CNTNAP2: variants seen among roughly 807,000 people sequenced by gnomAD.
CNTNAP2 encodes contactin associated protein 2.
A neutral mutation model predicts 155.2 loss-of-function variants in CNTNAP2; 98 were observed. That is an observed-to-expected ratio of 0.63 (90% CI 0.54 to 0.75). CNTNAP2 has a LOEUF of 0.75. Ranked by LOEUF, CNTNAP2 falls within the 30% of genes least tolerant of loss-of-function variation. CNTNAP2 has a pLI of 0.00. For synonymous variants in CNTNAP2, 651 were observed against 631.2 expected (o/e 1.03, Z -0.47); for missense variants, 1,727 against 1,688.1 (o/e 1.02, Z -0.40).
At chr7:147,319,753 G>GA (rs1795311446) in intron 9 of CNTNAP2, among the ~76,000 whole-genome samples, 1 of 152,130 alleles carries the variant, frequency 6.6e-6, no homozygotes, top group South Asian at 2.1e-4. Context: ...AAGATAGAGG[G>GA]AAAAAATCCA....
intron 1 of CNTNAP2, among the ~76,000 whole-genome samples, chr7:146,381,843 G>A (rs973332936): frequency 6.6e-6 from 1 of 152,102 alleles, no homozygotes; most frequent in East Asian, 1.9e-4. Flanking sequence ...CTGCTGGTCC[G>A]CTGGGCTTGA....
At chr7:146,919,541 C>T (rs1796457499) in intron 3 of CNTNAP2, among the ~76,000 whole-genome samples, 1 of 152,172 alleles carries the variant, frequency 6.6e-6, no homozygotes, top group Non-Finnish European at 1.5e-5. Context: ...TGTGATCCAT[C>T]TTCGGGTCTT....
chr7:147,943,442 A>G (rs978306389), intron 14 of CNTNAP2, among the ~76,000 whole-genome samples: 2 of 152,078 alleles, frequency 1.3e-5, no homozygotes, highest in Non-Finnish European at 2.9e-5. Context: ...TATTTAAAGC[A>G]TATTAATCTC....
chr7:146,578,199 A>G (rs1171120260), intron 1 of CNTNAP2, among the ~76,000 whole-genome samples: 1 of 152,132 alleles, frequency 6.6e-6, no homozygotes, highest in Admixed American at 6.6e-5. Context: ...CAGAAAGTAA[A>G]CCCAACAACG....
intron 1 of CNTNAP2, among the ~76,000 whole-genome samples, chr7:146,584,903 T>TA (rs1798664156): frequency 6.6e-6 from 1 of 152,130 alleles, no homozygotes; most frequent in African/African-American, 2.4e-5. Flanking sequence ...TCAAAAATAT[T>TA]AGAGTTAAAT....
intron 18 of CNTNAP2, among the ~76,000 whole-genome samples, chr7:148,186,450 C>G (rs1184449138): frequency 6.6e-6 from 1 of 152,186 alleles, no homozygotes; most frequent in African/African-American, 2.4e-5. Context: ...CCACCATATA[C>G]ACTAGAATGA....
rs1008049650 is a variant in CNTNAP2 at position 147,204,476 on chromosome 7, C to A, written c.1348+71967C>A. Among the ~76,000 whole-genome samples the A allele has an allele frequency of 2.6e-5, 4 of 152,138 alleles. No homozygotes were observed. In the East Asian group the frequency reaches 7.7e-4, roughly 29 times the overall value. ...TGGAAAATAAACTTATCTTAATAAG[C>A]ATTTGTTGGGTCTCAAGATGAGGAA... On this transcript the variant is annotated intron_variant, in intron 8 of 23. Transcript: ENST00000361727.
intron 13 of CNTNAP2, among the ~76,000 whole-genome samples, chr7:147,902,502 C>T (rs189247636): frequency 6.0e-4 from 92 of 152,184 alleles, no homozygotes; most frequent in African/African-American, 2.0e-3. Context: ...TTGGTGCACC[C>T]ATCACCCAAG....
intron 12 of CNTNAP2, 42 bp downstream of exon 12, chr7:147,562,299 TATGTCACGAATAAGTAG>T (rs1362911091): frequency 6.2e-7 from 1 of 1,611,622 alleles, no homozygotes; most frequent in South Asian, 1.1e-5. Flanking sequence ...TGCTTTTCTA[TATGTCACGAATAAGTAG>T]TTCCACCAAT....
At chr7:147,381,380 T>C (rs2116932294) in intron 9 of CNTNAP2, among the ~76,000 whole-genome samples, 1 of 152,298 alleles carries the variant, frequency 6.6e-6, no homozygotes, top group Admixed American at 6.5e-5. Flanking sequence ...TAAGCAAATG[T>C]TTACACTTAT....
At chr7:147,736,104 T>C (rs963995268) in intron 13 of CNTNAP2, among the ~76,000 whole-genome samples, 23 of 151,238 alleles carry the variant, frequency 1.5e-4, no homozygotes, top group Non-Finnish European at 3.2e-4. Context: ...TTGATGCAGT[T>C]TCTTCCTAGC....
chr7:147,137,384 A>C (rs1010842833), intron 8 of CNTNAP2, among the ~76,000 whole-genome samples: 3 of 151,456 alleles, frequency 2.0e-5, no homozygotes, highest in African/African-American at 7.2e-5. Flanking sequence ...AATGTTGATC[A>C]TCTCTAATTG....
At chr7:147,815,171 C>T (rs563820580) in intron 13 of CNTNAP2, among the ~76,000 whole-genome samples, 1 of 152,270 alleles carries the variant, frequency 6.6e-6, no homozygotes, top group South Asian at 2.1e-4. Flanking sequence ...AATTAGCTTT[C>T]CTATTGCTTC....
At chr7:147,572,938 C>T (rs1256098775) in intron 12 of CNTNAP2, among the ~76,000 whole-genome samples, 1 of 152,092 alleles carries the variant, frequency 6.6e-6, no homozygotes, top group East Asian at 1.9e-4. Context: ...TGTCAAGTTT[C>T]ATATCAGAAT....
intron 1 of CNTNAP2, among the ~76,000 whole-genome samples, chr7:146,684,619 G>C (rs1253702675): frequency 3.1e-5 from 2 of 65,392 alleles, no homozygotes; most frequent in African/African-American, 5.9e-5. Flanking sequence ...AAACAGCTTC[G>C]AGCAATAATA....
intron 6 of CNTNAP2, among the ~76,000 whole-genome samples, chr7:147,126,661 TG>T (rs1376999209): frequency 6.6e-6 from 1 of 152,068 alleles, no homozygotes; most frequent in Admixed American, 6.6e-5. Context: ...TTAGTAGAGA[TG>T]GGGTTTCTCC....
At chr7:146,270,455 A>G (rs1479996393) in intron 1 of CNTNAP2, among the ~76,000 whole-genome samples, 1 of 152,220 alleles carries the variant, frequency 6.6e-6, no homozygotes, top group Non-Finnish European at 1.5e-5. Flanking sequence ...AAGATTTCAT[A>G]TCCAGAAACT....
intron 1 of CNTNAP2, among the ~76,000 whole-genome samples, chr7:146,565,722 A>G: frequency 6.6e-6 from 1 of 152,252 alleles, no homozygotes; most frequent in East Asian, 1.9e-4. Context: ...TGTTAGAAGA[A>G]GTCTGCACAT....
chr7:147,059,546 T>C (rs1476030004), intron 4 of CNTNAP2, among the ~76,000 whole-genome samples: 1 of 152,148 alleles, frequency 6.6e-6, no homozygotes, highest in Non-Finnish European at 1.5e-5. Context: ...CCATGCTTGC[T>C]TTTTAATTGA....
Sources: gnomAD v4.1 joint callset for allele counts (sites outside exome capture counted in the v4.1 genomes callset) on GRCh38, gnomAD v4.1.1 for gene constraint, MANE v1.5 for transcripts, NCBI Gene and HGNC (gene_info 2026-07-23, HGNC 2026-07-21) for gene names.